ARHGAP24: variants seen among roughly 807,000 people sequenced by gnomAD.
The protein encoded by ARHGAP24 is rho GTPase-activating protein 24.
In ARHGAP24, 50 loss-of-function variants were observed where a neutral mutation model predicts 76.4. That is an observed-to-expected ratio of 0.65 (90% confidence interval 0.52 to 0.83). ARHGAP24 has a LOEUF of 0.83. Ranked by LOEUF, ARHGAP24 falls within the 40% of genes least tolerant of loss-of-function variation. ARHGAP24 has a pLI of 0.00. For missense variants in ARHGAP24, 930 were observed against 914.2 expected, an observed-to-expected ratio of 1.02 and a Z score of -0.22; for synonymous variants, 345 against 323.3, an observed-to-expected ratio of 1.07 and a Z score of -0.72.
chr4:85,837,740 A>G (rs1730367250), intron 3 of ARHGAP24, among the ~76,000 whole-genome samples: 1 of 152,182 alleles, frequency 6.6e-6, no homozygotes, highest in Non-Finnish European at 1.5e-5. Context: ...CAAGCACACC[A>G]TATGGACTGT....
intron 2 of ARHGAP24, among the ~76,000 whole-genome samples, chr4:85,632,872 A>T (rs1374502469): frequency 6.6e-6 from 1 of 151,964 alleles, no homozygotes; most frequent in Non-Finnish European, 1.5e-5. Context: ...GAGATAACAG[A>T]TGTTCTAGGA....
intron 1 of ARHGAP24, 90 bp from the exon 2 acceptor site, chr4:85,570,432 T>G (rs1350847133): frequency 2.4e-6 from 1 of 411,658 alleles, no homozygotes; most frequent in Non-Finnish European, 3.6e-6. Flanking sequence ...TCTCTCTCTC[T>G]TTTTTTTTTT....
intron 1 of ARHGAP24, among the ~76,000 whole-genome samples, chr4:85,518,701 A>G (rs1193738867): frequency 6.6e-6 from 1 of 151,978 alleles, no homozygotes; most frequent in Non-Finnish European, 1.5e-5. Flanking sequence ...TTAATTCATT[A>G]TTTTTCATGG....
intron 3 of ARHGAP24, among the ~76,000 whole-genome samples, chr4:85,776,667 AAT>A (rs1281225953): frequency 2.0e-5 from 3 of 152,124 alleles, no homozygotes; most frequent in Non-Finnish European, 4.4e-5. Context: ...TCTTGAATTC[AAT>A]ACCCATAATC....
intron 2 of ARHGAP24, among the ~76,000 whole-genome samples, chr4:85,583,651 A>AG (rs2109974038): frequency 6.6e-6 from 1 of 151,906 alleles, no homozygotes; most frequent in South Asian, 2.1e-4. Context: ...CAGAGTGAAC[A>AG]GGCATCCTAC....
At chr4:85,537,325 T>C (rs1725505474) in intron 1 of ARHGAP24, among the ~76,000 whole-genome samples, 1 of 152,178 alleles carries the variant, frequency 6.6e-6, no homozygotes, top group African/African-American at 2.4e-5. Flanking sequence ...GCAAGGTCTC[T>C]CCTCTTGTGC....
intron 2 of ARHGAP24, among the ~76,000 whole-genome samples, chr4:85,717,293 A>G (rs1427413659): frequency 1.3e-5 from 2 of 152,082 alleles, no homozygotes; most frequent in Admixed American, 1.3e-4. Context: ...ATGTTTCTTA[A>G]CAATATATAA....
chr4:85,567,968 T>C (rs537251351), intron 1 of ARHGAP24, among the ~76,000 whole-genome samples: 1 of 152,314 alleles, frequency 6.6e-6, no homozygotes, highest in South Asian at 2.1e-4. Flanking sequence ...CACTTTCCGA[T>C]GCATTCTGAA....
intron 3 of ARHGAP24, among the ~76,000 whole-genome samples, chr4:85,777,213 T>TCATTTTAAATATTAATTA (rs1727340488): frequency 6.6e-6 from 1 of 152,240 alleles, no homozygotes; most frequent in African/African-American, 2.4e-5. Flanking sequence ...AATCTAATTG[T>TCATTTTAAATATTAATTA]CATTTTAAAT....
At chr4:85,582,676 T>G (rs1218336950) in intron 2 of ARHGAP24, among the ~76,000 whole-genome samples, 1 of 152,098 alleles carries the variant, frequency 6.6e-6, no homozygotes, top group African/African-American at 2.4e-5. Context: ...TGGGGTTGAT[T>G]TAAATGTCAG....
At chr4:85,946,654 C>A (rs1737285730) in intron 5 of ARHGAP24, among the ~76,000 whole-genome samples, 1 of 152,174 alleles carries the variant, frequency 6.6e-6, no homozygotes, top group Non-Finnish European at 1.5e-5. Context: ...CAGCAGAGGA[C>A]ATTATTTCAT....
chr4:85,715,171 T>C (rs752216675), intron 2 of ARHGAP24, among the ~76,000 whole-genome samples: 6 of 152,072 alleles, frequency 3.9e-5, no homozygotes, highest in Non-Finnish European at 8.8e-5. Flanking sequence ...CGCTATGGTA[T>C]TTATTATTAG....
chr4:85,607,036 G>C (rs190823701), intron 2 of ARHGAP24, among the ~76,000 whole-genome samples: 4 of 152,300 alleles, frequency 2.6e-5, no homozygotes, highest in Non-Finnish European at 4.4e-5. Context: ...ATGTGGAAGG[G>C]TATCTGCAGT....
chr4:85,575,094 TATCA>T (rs1474543871), intron 2 of ARHGAP24, among the ~76,000 whole-genome samples: 9 of 152,190 alleles, frequency 5.9e-5, no homozygotes, highest in African/African-American at 2.4e-5. Context: ...TAATATTTAA[TATCA>T]ATCAAACTAA....
intron 3 of ARHGAP24, among the ~76,000 whole-genome samples, chr4:85,814,892 AC>A (rs1477882646): frequency 1.3e-5 from 2 of 152,210 alleles, no homozygotes; most frequent in Non-Finnish European, 2.9e-5. Flanking sequence ...CCCTGCAACA[AC>A]CTTCTGCCTG....
At chr4:85,976,931 C>T (rs1019949082) in intron 7 of ARHGAP24, among the ~76,000 whole-genome samples, 11 of 151,772 alleles carry the variant, frequency 7.2e-5, no homozygotes, top group African/African-American at 1.5e-4. Flanking sequence ...TACAGGGGCC[C>T]GCCACCGCAC....
At chr4:85,952,537 G>GA (rs1420741330) in intron 5 of ARHGAP24, among the ~76,000 whole-genome samples, 1 of 152,166 alleles carries the variant, frequency 6.6e-6, no homozygotes, top group Admixed American at 6.5e-5. Context: ...GGTGGTGTGA[G>GA]AAAAAAACAT....
intron 1 of ARHGAP24, among the ~76,000 whole-genome samples, chr4:85,513,339 C>T (rs1269881038): frequency 6.6e-6 from 1 of 152,190 alleles, no homozygotes; most frequent in Non-Finnish European, 1.5e-5. Context: ...GAAATCCTTT[C>T]GCTTTTGCTG....
In ARHGAP24 at chr4:85,995,660, A is replaced by G. The variant is rs1740619791; in HGVS notation, c.2003+3A>G. 1 of 1,613,662 alleles carries G rather than the reference A, an allele frequency of 6.2e-7. No individual in the cohort carries two copies. The highest frequency in any genetic ancestry group is 8.5e-7 in the Non-Finnish European group (1 of 1,179,818). On this transcript the variant is annotated splice_donor_region_variant and intron_variant, in intron 9 of 9. Coordinates refer to ENST00000395184, the MANE Select transcript of ARHGAP24 (RefSeq NM_001025616.3). ...GAGTATGAGTCCAGGATAAAGAGGT[A>G]AGGAAAATCTGGAGGTCGTAACTAC...
Sources: allele counts gnomAD v4.1 joint callset (sites outside exome capture counted in the v4.1 genomes callset), GRCh38; gene constraint gnomAD v4.1.1; transcripts MANE v1.5; gene names NCBI Gene and HGNC (gene_info 2026-07-23, HGNC 2026-07-21).